The following ZNF547 variants were observed in gnomAD, a reference collection of about 807,000 sequenced individuals.
The protein encoded by ZNF547 is zinc finger protein 547.
A neutral mutation model predicts 7.7 loss-of-function variants in ZNF547; 4 were observed. That is an observed-to-expected ratio of 0.52 (90% CI 0.26 to 1.20). The LOEUF (loss-of-function observed/expected upper bound fraction) is 1.20. Ranked by LOEUF, ZNF547 falls within the 50% of genes most tolerant of loss-of-function variation. The pLI, the probability that ZNF547 is intolerant of heterozygous loss-of-function variation, is 0.14. For synonymous variants in ZNF547, 166 were observed against 166.2 expected (o/e 1.00, Z 0.01); for missense variants, 449 against 485.8 (o/e 0.92, Z 0.71).
chr19:57,377,888 C>T lies in ZNF547; in HGVS notation c.912C>T (p.Phe304=). ...RSYGCSECGK[F]FMERSTLSRH... ...ATGGTTGCAGTGAATGTGGGAAATT[C>T]TTTATGGAAAGGTCTACACTCAGTA... is the stretch of plus-strand genomic sequence containing the variant. The change falls in exon 4 of 4, where the codon TTC becomes TTT. Residue 304 remains phenylalanine (F), a synonymous_variant. Coordinates refer to ENST00000282282, the MANE Select transcript of ZNF547 (RefSeq NM_173631.4). The T allele has an allele frequency of 6.2e-7, 1 of 1,612,682 alleles. No individual in the cohort carries two copies. Among genetic ancestry groups the T allele is most frequent in the East Asian group, 2.2e-5 (1 of 44,748 alleles).
chr19:57,369,455 G>A (rs1402751808), intron 2 of ZNF547, among the ~76,000 whole-genome samples: 2 of 152,326 alleles, frequency 1.3e-5, no homozygotes, highest in Non-Finnish European at 1.5e-5. Context: ...TCCTGGTGGA[G>A]GAGTTCAGGT....
In ZNF547 at chr19:57,378,124, G is replaced by C; in HGVS notation, c.1148G>C (p.Cys383Ser). ...ACTGCAGCAAAGCAGTGCAGTGAAT[G>C]TGGGAAATTCTTTAGGTATAACTCT... is the stretch of plus-strand genomic sequence containing the variant. ...VHTAAKQCSECGKFFRYNSTL... is the reference protein window; with the variant it reads ...VHTAAKQCSESGKFFRYNSTL... The change falls in exon 4 of 4, where the codon TGT becomes TCT. Residue 383 changes from cysteine to serine, a missense_variant. Physicochemically the swap from Cys to Ser is moderately radical, Grantham distance 112. Coordinates refer to ENST00000282282, the MANE Select transcript of ZNF547 (RefSeq NM_173631.4). 6.2e-7 allele frequency: 1 copy of C among 1,613,828 alleles called. No homozygotes were observed. Among genetic ancestry groups the C allele is most frequent in the Middle Eastern group, 1.6e-4 (1 of 6,062 alleles).
chr19:57,378,545 A>C lies in ZNF547; in HGVS notation c.*360A>C, dbSNP rs951330027. 4.8e-6 allele frequency: 2 copies of C among 417,960 alleles called. No homozygotes were observed. Among genetic ancestry groups the C allele is most frequent in the African/African-American group, 4.1e-5 (2 of 49,030 alleles). The allele number at this position is 417,960 out of a possible 1,614,324, so 25.9% of individuals were successfully genotyped here. A position where few individuals can be genotyped will look rare whatever the true frequency, so the allele number is the denominator to read the frequency against. On this transcript the variant is annotated 3_prime_UTR_variant, in exon 4 of 4. Coordinates refer to ENST00000282282, the MANE Select transcript of ZNF547 (RefSeq NM_173631.4). ...CTGAGTACAGCAAATGTGTGACATT[A>C]TTTTGCTACTACTCCACACTACTTA...
chr19:57,371,769 C>T lies in ZNF547; in HGVS notation c.25-13C>T, dbSNP rs780206243. 7 of 1,602,086 alleles carry T rather than the reference C, an allele frequency of 4.4e-6. No individual in the cohort carries two copies. In the East Asian group the frequency reaches 6.7e-5, roughly 15 times the overall value. On this transcript the variant is annotated splice_polypyrimidine_tract_variant and intron_variant, in intron 2 of 3. Transcript: ENST00000282282. ...AAAAGCTGCTCATGTATTCATCTTT[C>T]CCAATTTGGCAGGGTCATGTGGTTT...
At chr19:57,367,467 A>G (rs1196455961) in intron 1 of ZNF547, among the ~76,000 whole-genome samples, 2 of 144,460 alleles carry the variant, frequency 1.4e-5, no homozygotes, top group Admixed American at 6.9e-5. Flanking sequence ...TGTAGATTGG[A>G]CCGGGTCCTG....
intron 1 of ZNF547, chr19:57,364,972 G>C (rs767881280): frequency 1.3e-4 from 204 of 1,612,816 alleles, no homozygotes; most frequent in Non-Finnish European, 1.7e-4. Flanking sequence ...TGCTGCTCTC[G>C]ACCTCGTAGA....
In ZNF547 at chr19:57,378,732, T is replaced by C. The variant is rs747733018; in HGVS notation, c.*547T>C. The C allele has an allele frequency of 1.4e-5, 6 of 425,544 alleles. No homozygotes were observed. The highest frequency in any genetic ancestry group is 1.0e-4 in the South Asian group (6 of 57,778). 26.4% of individuals were successfully genotyped at this position (425,544 alleles called of 1,614,324 possible). On this transcript the variant is annotated 3_prime_UTR_variant, in exon 4 of 4. Transcript: ENST00000282282. ...ACATGCCACATAAAATTTGCCATCT[T>C]AACTATTGTAATGTCTTGTTTAATA...
chr19:57,364,933 C>T (rs1477707373), intron 1 of ZNF547: 6 of 1,612,826 alleles, frequency 3.7e-6, no homozygotes, highest in Middle Eastern at 1.6e-4. Flanking sequence ...CAAAGACGAC[C>T]ATCGTCATCT....
chr19:57,375,221 G>T (rs940574063), intron 3 of ZNF547, among the ~76,000 whole-genome samples: 4 of 151,384 alleles, frequency 2.6e-5, no homozygotes, highest in African/African-American at 7.3e-5. Context: ...ATGGTGGCAG[G>T]TGCCTGTAAT....
Position 57,377,191 on chromosome 19 carries a change from C to T in ZNF547, c.215C>T (p.Ser72Leu). 1 of 1,614,186 alleles carries T rather than the reference C, an allele frequency of 6.2e-7. No homozygotes were observed. The highest frequency in any genetic ancestry group is 8.5e-7 in the Non-Finnish European group (1 of 1,180,028). Residue 72 changes from serine to leucine, a missense_variant, in exon 4 of 4, where the codon TCA becomes TTA. Ser to Leu is a moderately radical substitution (Grantham distance 145, BLOSUM62 -2). Coordinates refer to ENST00000282282, the MANE Select transcript of ZNF547 (RefSeq NM_173631.4). ...GAGCCAGGTGTTTCTGTAGGAGTGT[C>T]ACAGGTCATGGCTCCAAAGCCCTGT... Reference protein sequence around the residue: ...PLEPGVSVGVSQVMAPKPCLS... With the variant: ...PLEPGVSVGVLQVMAPKPCLS...
intron 3 of ZNF547, among the ~76,000 whole-genome samples, chr19:57,374,968 GTCAC>G (rs1395731400): frequency 2.8e-4 from 42 of 152,120 alleles, no homozygotes; most frequent in African/African-American, 9.7e-4. Context: ...CAGTTCCAAA[GTCAC>G]TTCCACATTT....
chr19:57,378,514 A>G lies in ZNF547; in HGVS notation c.*329A>G. On this transcript the variant is annotated 3_prime_UTR_variant, in exon 4 of 4. Transcript: ENST00000282282. ...GCTTCAGAATATCCACACTAGTGAA[A>G]GTCTTCTGAGTACAGCAAATGTGTG... 2.6e-5 allele frequency: 12 copies of G among 468,324 alleles called. No homozygotes were observed. The highest frequency in any genetic ancestry group is 1.9e-4 in the South Asian group (11 of 58,064). 29.0% of individuals were successfully genotyped at this position (468,324 alleles called of 1,614,324 possible).
Position 57,377,217 on chromosome 19 carries a change from C to T in ZNF547, c.241C>T (p.Leu81=). 1 of 1,614,212 alleles carries T rather than the reference C, an allele frequency of 6.2e-7. No individual in the cohort carries two copies. Among genetic ancestry groups the T allele is most frequent in the Non-Finnish European group, 8.5e-7 (1 of 1,180,030 alleles). The change falls in exon 4 of 4, where the codon CTA becomes TTA. Residue 81 remains leucine (L), a synonymous_variant. Transcript: ENST00000282282. ...VSQVMAPKPC[L]STQNTQPCET... Reference sequence around the variant, plus strand: ...ACAGGTCATGGCTCCAAAGCCCTGTCTATCTACCCAGAATACCCAGCCCTG... The same window carrying T: ...ACAGGTCATGGCTCCAAAGCCCTGTTTATCTACCCAGAATACCCAGCCCTG...
At chr19:57,374,073 C>T (rs2088522095) in intron 3 of ZNF547, among the ~76,000 whole-genome samples, 1 of 152,218 alleles carries the variant, frequency 6.6e-6, no homozygotes, top group Admixed American at 6.5e-5. Flanking sequence ...TCCGTGAGTT[C>T]CACCCCTGCA....
rs1235130498 is a variant in ZNF547 at position 57,378,382 on chromosome 19, G to T, written c.*197G>T. On this transcript the variant is annotated 3_prime_UTR_variant, in exon 4 of 4. Coordinates refer to ENST00000282282, the MANE Select transcript of ZNF547 (RefSeq NM_173631.4). Reference sequence around the variant, plus strand: ...TTCAGCAAACTCGGGACATTATTTTGGTTTGACTCTCATCTCATTAGACAT... The same window carrying T: ...TTCAGCAAACTCGGGACATTATTTTTGTTTGACTCTCATCTCATTAGACAT... 8.4e-6 allele frequency: 6 copies of T among 713,958 alleles called. No homozygotes were observed. The East Asian group carries it at 1.3e-4, about 15-fold the overall frequency. The allele number at this position is 713,958 out of a possible 1,614,324, so 44.2% of individuals were successfully genotyped here.
At position 57,377,483 on chromosome 19, in the gene ZNF547, T is replaced by A; in HGVS notation, c.507T>A (p.His169Gln). 1 of 1,614,000 alleles carries A rather than the reference T, an allele frequency of 6.2e-7. No individual in the cohort carries two copies. The highest frequency in any genetic ancestry group is 1.1e-5 in the South Asian group (1 of 91,068). ...SECGKAFSHKHKLSDHQKIHT... is the reference protein window; with the variant it reads ...SECGKAFSHKQKLSDHQKIHT... ...GTGGGAAAGCCTTTAGCCACAAACA[T>A]AAACTTTCTGACCATCAGAAAATCC... Residue 169 changes from histidine to glutamine, a missense_variant, in exon 4 of 4, where the codon CAT becomes CAA. Transcript: ENST00000282282.
chr19:57,369,899 C>CGTTTTTTTTTTTTT (rs2088493597), intron 2 of ZNF547, among the ~76,000 whole-genome samples: 1 of 51,678 alleles, frequency 1.9e-5, no homozygotes, highest in Non-Finnish European at 3.3e-5. Context: ...ACTCACAGTT[C>CGTTTTTTTTTTTTT]TTTTTTTTTT....
intron 2 of ZNF547, among the ~76,000 whole-genome samples, chr19:57,369,937 G>T (rs1485995101): frequency 6.8e-5 from 6 of 88,248 alleles, no homozygotes; most frequent in Non-Finnish European, 2.1e-5. Context: ...ATGTGGCCCA[G>T]GCTGGAGTGC....
chr19:57,364,948 C>T (rs776868197), intron 1 of ZNF547: 30 of 1,612,954 alleles, frequency 1.9e-5, no homozygotes, highest in Non-Finnish European at 2.4e-5. Context: ...TCATCTGAAC[C>T]AGTTCATAGC....
Sources: gnomAD v4.1 joint callset for allele counts (sites outside exome capture counted in the v4.1 genomes callset) on GRCh38, gnomAD v4.1.1 for gene constraint, MANE v1.5 for transcripts, NCBI Gene and HGNC (gene_info 2026-07-23, HGNC 2026-07-21) for gene names.